Variants in HEMK2 observed in about 807,000 individuals in gnomAD.
HEMK2 encodes the protein methyltransferase HEMK2.
the HEMK2 span, among the ~76,000 whole-genome samples, chr21:28,620,002 C>T: frequency 2.0e-5 from 3 of 152,290 alleles, no homozygotes; most frequent in Non-Finnish European, 4.4e-5. Context: ...AATTTGACTT[C>T]CACTCATGCT....
At chr21:28,811,555 A>T in the HEMK2 span, among the ~76,000 whole-genome samples, 3 of 152,182 alleles carry the variant, frequency 2.0e-5, no homozygotes, top group East Asian at 5.8e-4. Context: ...ATTCATATTT[A>T]ACATACTTTG....
chr21:28,866,187 C>CACAA, the HEMK2 span, among the ~76,000 whole-genome samples: 1 of 125,814 alleles, frequency 7.9e-6, no homozygotes, highest in African/African-American at 3.0e-5. Context: ...CACACACACA[C>CACAA]AAAATTAGCC....
At chr21:28,682,548 C>T in the HEMK2 span, among the ~76,000 whole-genome samples, 2 of 152,076 alleles carry the variant, frequency 1.3e-5, no homozygotes, top group African/African-American at 2.4e-5. Flanking sequence ...CATCCCATTA[C>T]TGGGTATATA....
the HEMK2 span, among the ~76,000 whole-genome samples, chr21:28,592,670 G>A: frequency 1.3e-5 from 2 of 152,146 alleles, no homozygotes; most frequent in African/African-American, 2.4e-5. Flanking sequence ...AAATGCTTCT[G>A]ATGTTTCTTC....
chr21:28,855,881 T>G, the HEMK2 span, among the ~76,000 whole-genome samples: 4 of 151,928 alleles, frequency 2.6e-5, no homozygotes, highest in African/African-American at 9.7e-5. Flanking sequence ...AAGAGGGAGG[T>G]TGACAATGCT....
chr21:28,605,092 A>G, the HEMK2 span, among the ~76,000 whole-genome samples: 1 of 152,240 alleles, frequency 6.6e-6, no homozygotes, highest in Admixed American at 6.5e-5. Flanking sequence ...AAGCATGCAT[A>G]ATTTCAAACA....
chr21:28,883,332 C>A, the HEMK2 span, among the ~76,000 whole-genome samples: 1 of 152,080 alleles, frequency 6.6e-6, no homozygotes, highest in South Asian at 2.1e-4. Context: ...TTAATTTCAA[C>A]AAACCATTAC....
At chr21:28,642,502 C>G in the HEMK2 span, among the ~76,000 whole-genome samples, 1 of 152,232 alleles carries the variant, frequency 6.6e-6, no homozygotes, top group Non-Finnish European at 1.5e-5. Flanking sequence ...TCTTTCAGCT[C>G]TGCTCTCTGG....
At chr21:28,796,375 G>A in the HEMK2 span, among the ~76,000 whole-genome samples, 1 of 152,076 alleles carries the variant, frequency 6.6e-6, no homozygotes. Flanking sequence ...CCTGACCTCA[G>A]GTGATCTGTC....
the HEMK2 span, among the ~76,000 whole-genome samples, chr21:28,705,044 C>T: frequency 3.3e-5 from 5 of 152,242 alleles, no homozygotes; most frequent in Non-Finnish European, 7.4e-5. Context: ...GCATCTTTGG[C>T]TTGAAGTCAA....
chr21:28,697,499 A>C, the HEMK2 span, among the ~76,000 whole-genome samples: 2 of 152,178 alleles, frequency 1.3e-5, no homozygotes, highest in Non-Finnish European at 2.9e-5. Context: ...AAACTTTCCC[A>C]CATCTGCCTG....
At chr21:28,885,065 T>C in the HEMK2 span, 1 of 1,233,350 alleles carries the variant, frequency 8.1e-7, no homozygotes, top group Non-Finnish European at 1.1e-6. Flanking sequence ...AAATTCTCAA[T>C]TACGGCGTCC....
At chr21:28,660,414 A>G in the HEMK2 span, among the ~76,000 whole-genome samples, 1 of 151,722 alleles carries the variant, frequency 6.6e-6, no homozygotes, top group Non-Finnish European at 1.5e-5. Context: ...TGTTAGCTGG[A>G]GGATTTGGGG....
At chr21:28,638,886 T>C in the HEMK2 span, among the ~76,000 whole-genome samples, 5 of 152,274 alleles carry the variant, frequency 3.3e-5, no homozygotes, top group South Asian at 4.2e-4. Flanking sequence ...GCCAGGCTAT[T>C]TGAGGCCCAA....
At chr21:28,606,546 A>T in the HEMK2 span, among the ~76,000 whole-genome samples, 2,823 of 152,114 alleles carry the variant, frequency 0.019, 105 homozygotes, top group African/African-American at 0.065. Context: ...TAGAAGCATT[A>T]AAAAAAATGG....
chr21:28,773,618 C>T, the HEMK2 span, among the ~76,000 whole-genome samples: 1 of 151,888 alleles, frequency 6.6e-6, no homozygotes, highest in South Asian at 2.1e-4. Context: ...TAAATATACA[C>T]GATGTGCCAC....
At chr21:28,605,814 T>G in the HEMK2 span, among the ~76,000 whole-genome samples, 1 of 152,214 alleles carries the variant, frequency 6.6e-6, no homozygotes, top group Non-Finnish European at 1.5e-5. Flanking sequence ...TAATATACTT[T>G]ATTAGTAAGT....
the HEMK2 span, among the ~76,000 whole-genome samples, chr21:28,661,776 T>G: frequency 2.6e-5 from 4 of 152,242 alleles, no homozygotes; most frequent in African/African-American, 9.6e-5. Context: ...AGTAGCCACG[T>G]GTGGCTATTG....
At chr21:28,715,008 A>G in the HEMK2 span, among the ~76,000 whole-genome samples, 3 of 152,290 alleles carry the variant, frequency 2.0e-5, no homozygotes, top group East Asian at 1.9e-4. Context: ...TCCATGGTGT[A>G]TATGTACCAC....
Sources: allele counts gnomAD v4.1 joint callset (sites outside exome capture counted in the v4.1 genomes callset), GRCh38; gene constraint gnomAD v4.1.1; transcripts MANE v1.5; gene names NCBI Gene and HGNC (gene_info 2026-07-23, HGNC 2026-07-21).